EDARADD: variants seen among roughly 807,000 people sequenced by gnomAD.
EDARADD encodes ectodysplasin-A receptor-associated adapter protein.
A neutral mutation model predicts 25.6 loss-of-function variants in EDARADD; 20 were observed. The observed-to-expected ratio is 0.78, with a 90% CI of 0.55 to 1.14. EDARADD has a LOEUF of 1.14. Ranked by LOEUF, EDARADD falls within the 50% of genes most tolerant of loss-of-function variation. EDARADD has a pLI of 0.00. For synonymous variants in EDARADD, 86 were observed against 94.4 expected (o/e 0.91, Z 0.52); for missense variants, 225 against 270.1 (o/e 0.83, Z 1.17).
Position 236,484,147 on chromosome 1 carries a change from C to T in EDARADD, c.*1498C>T. On this transcript the variant is annotated 3_prime_UTR_variant, in exon 6 of 6. Transcript: ENST00000334232. This position sits in a 1 kb window ranked among gnomAD's most constrained non-coding sequence, Gnocchi z 4.1. Reference sequence around the variant, plus strand: ...CTCAGAGTGACCAACCCAAAGAGGACAGCCTCGGCCGTGAATGAGAAGAAG... The same window carrying T: ...CTCAGAGTGACCAACCCAAAGAGGATAGCCTCGGCCGTGAATGAGAAGAAG... The T allele has an allele frequency of 7.2e-7, 1 of 1,386,154 alleles. No individual in the cohort carries two copies. Among genetic ancestry groups the T allele is most frequent in the Admixed American group, 1.7e-5 (1 of 59,530 alleles). The allele number at this position is 1,386,154 out of a possible 1,614,324, so 85.9% of individuals were successfully genotyped here. A position where few individuals can be genotyped will look rare whatever the true frequency, so the allele number is the denominator to read the frequency against.
chr1:236,349,318 C>T (rs1427477015), intron 2 of EDARADD, among the ~76,000 whole-genome samples: 5 of 152,116 alleles, frequency 3.3e-5, no homozygotes, highest in African/African-American at 4.8e-5. Flanking sequence ...GGACTACAGG[C>T]GTGTTGCCCA....
intron 5 of EDARADD, among the ~76,000 whole-genome samples, chr1:236,476,571 G>GC (rs1659514475): frequency 6.6e-6 from 1 of 151,816 alleles, no homozygotes; most frequent in Non-Finnish European, 1.5e-5. Context: ...TGTTGCCTAG[G>GC]CTGGAGTGCA....
intron 3 of EDARADD, among the ~76,000 whole-genome samples, chr1:236,416,058 A>G (rs1375240572): frequency 1.3e-5 from 2 of 151,932 alleles, no homozygotes; most frequent in African/African-American, 4.8e-5. Flanking sequence ...ACTATTCCAG[A>G]CCCTTCTCCC....
At chr1:236,405,865 C>CTTT (rs1558112740) in intron 1 of EDARADD, among the ~76,000 whole-genome samples, 7 of 58,066 alleles carry the variant, frequency 1.2e-4, no homozygotes, top group East Asian at 3.7e-4. Flanking sequence ...TTCCTTCCTT[C>CTTT]CTTCCTTCCT....
intron 4 of EDARADD, among the ~76,000 whole-genome samples, chr1:236,439,681 C>T (rs957617831): frequency 2.0e-5 from 3 of 152,140 alleles, no homozygotes; most frequent in African/African-American, 7.2e-5. Context: ...GGCTTTGGCT[C>T]ATTTTAAAAT....
intron 3 of EDARADD, among the ~76,000 whole-genome samples, chr1:236,378,468 A>T (rs1210476278): frequency 2.6e-5 from 4 of 152,118 alleles, no homozygotes; most frequent in Admixed American, 1.3e-4. Context: ...TACTCCCATC[A>T]GTTGTGGGTC....
rs1667508223 is a variant in EDARADD, at chr1:236,395,911, C to T, written c.61+1406C>T. On this transcript the variant is annotated intron_variant, in intron 1 of 5. Transcript: ENST00000334232. This position sits in a 1 kb window ranked among gnomAD's most constrained non-coding sequence, Gnocchi z 6.9. The stretch of plus-strand genomic sequence containing the variant: ...CTGCCCCGCGTCAGCCACCGCGCGC[C>T]TTCCCCCTGCCCATGCCGCAGCCCC... 6.6e-6 allele frequency among the ~76,000 whole-genome samples: 1 copy of T among 152,208 alleles called. No homozygotes were observed. The highest frequency in any genetic ancestry group is 2.4e-5 in the African/African-American group (1 of 41,460).
At chr1:236,475,107 T>C (rs997906557) in intron 5 of EDARADD, among the ~76,000 whole-genome samples, 1 of 151,868 alleles carries the variant, frequency 6.6e-6, no homozygotes, top group Admixed American at 6.6e-5. Context: ...CACTCCAGCC[T>C]GGGCAACAAG....
At chr1:236,412,595 CCA>C (rs1379429783) in intron 2 of EDARADD, among the ~76,000 whole-genome samples, 1 of 152,210 alleles carries the variant, frequency 6.6e-6, no homozygotes, top group Admixed American at 6.5e-5. Flanking sequence ...CTCCGCTCTT[CCA>C]GCCACCTGAT....
chr1:236,392,910 T>C (rs1667444494), upstream of EDARADD, among the ~76,000 whole-genome samples: 1 of 152,170 alleles, frequency 6.6e-6, no homozygotes, highest in Non-Finnish European at 1.5e-5. Context: ...CTTCAAGCGA[T>C]CCACCCACCT....
chr1:236,369,200 C>T (rs1667146784), intron 3 of EDARADD, among the ~76,000 whole-genome samples: 1 of 152,314 alleles, frequency 6.6e-6, no homozygotes, highest in African/African-American at 2.4e-5. Context: ...TGACCCTTCA[C>T]ATACATTTTA....
At chr1:236,430,295 T>A (rs1321991191) in intron 4 of EDARADD, among the ~76,000 whole-genome samples, 1 of 152,246 alleles carries the variant, frequency 6.6e-6, no homozygotes, top group Non-Finnish European at 1.5e-5. Context: ...ACTGAAAGTA[T>A]AAATTTGTTC....
At chr1:236,457,750 C>T (rs543897366) in intron 4 of EDARADD, among the ~76,000 whole-genome samples, 8 of 149,232 alleles carry the variant, frequency 5.4e-5, no homozygotes, top group Admixed American at 1.3e-4. Flanking sequence ...ACCCAGGAGG[C>T]GGAGGCTGCA....
At chr1:236,430,986 G>A (rs1174236945) in intron 4 of EDARADD, among the ~76,000 whole-genome samples, 3 of 152,110 alleles carry the variant, frequency 2.0e-5, no homozygotes, top group African/African-American at 4.8e-5. Flanking sequence ...TGCAGTGGCA[G>A]GCGCCTGTAA....
chr1:236,385,051 G>A (rs1417705656), intron 3 of EDARADD, among the ~76,000 whole-genome samples: 1 of 140,284 alleles, frequency 7.1e-6, no homozygotes, highest in East Asian at 2.0e-4. Context: ...TTTGTATCTG[G>A]TTGGGTTTAT....
Position 236,418,291 on chromosome 1 carries a change from C to A in EDARADD, c.160+3992C>A, listed in dbSNP as rs1462906782. ...TCTGAGTCTTGCTCTGTCACCCAGG[C>A]TAGAGTGCAGTGGCATGATCTCGAC... is the stretch of plus-strand genomic sequence containing the variant. On this transcript the variant is annotated intron_variant, in intron 3 of 5. Transcript: ENST00000334232. 4.0e-5 allele frequency among the ~76,000 whole-genome samples: 6 copies of A among 150,654 alleles called. No individual in the cohort carries two copies. The East Asian group carries it at 1.2e-3, about 30-fold the overall frequency.
At chr1:236,432,937 AAAAGAAAG>A (rs577153679) in intron 4 of EDARADD, among the ~76,000 whole-genome samples, 5 of 151,326 alleles carry the variant, frequency 3.3e-5, no homozygotes, top group African/African-American at 1.2e-4. Context: ...CAAAAAAAAA[AAAAGAAAG>A]AAAGAAAGAA....
intron 4 of EDARADD, among the ~76,000 whole-genome samples, chr1:236,464,542 C>T (rs967628994): frequency 6.8e-6 from 1 of 147,660 alleles, no homozygotes; most frequent in Non-Finnish European, 1.5e-5. Context: ...AGGTGATTCT[C>T]CTGCCTCACC....
At chr1:236,471,983 T>TA (rs1403961760) in intron 5 of EDARADD, among the ~76,000 whole-genome samples, 1 of 152,210 alleles carries the variant, frequency 6.6e-6, no homozygotes, top group Non-Finnish European at 1.5e-5. Flanking sequence ...GCCATGAACT[T>TA]ACAAGTTAGA....
Sources: allele counts gnomAD v4.1 joint callset (sites outside exome capture counted in the v4.1 genomes callset), GRCh38; gene constraint gnomAD v4.1.1; non-coding constraint Gnocchi (gnomAD v3.1); transcripts MANE v1.5; gene names NCBI Gene and HGNC (gene_info 2026-07-23, HGNC 2026-07-21).